ATXN3: variants seen among roughly 807,000 people sequenced by gnomAD.
ATXN3 encodes ataxin-3.
ATXN3 carries 28 observed loss-of-function variants against 58.2 expected under a neutral mutation model. The ratio of observed to expected loss-of-function variants is 0.48; its 90% CI spans 0.36 to 0.66. The LOEUF (loss-of-function observed/expected upper bound fraction) is 0.66. Ranked by LOEUF, ATXN3 falls within the 30% of genes least tolerant of loss-of-function variation. The pLI is 0.00. For missense variants in ATXN3, 321 were observed against 422.1 expected (o/e 0.76, Z 2.10); for synonymous variants, 113 against 138.5 (o/e 0.82, Z 1.29).
intron 9 of ATXN3, among the ~76,000 whole-genome samples, chr14:92,079,721 T>C (rs1464679146): frequency 6.6e-6 from 1 of 152,184 alleles, no homozygotes; most frequent in Non-Finnish European, 1.5e-5. Context: ...TATCTTGTAA[T>C]CTTTAACATG....
downstream of ATXN3, among the ~76,000 whole-genome samples, chr14:92,053,964 C>T (rs748350534): frequency 2.0e-5 from 3 of 151,944 alleles, no homozygotes; most frequent in Non-Finnish European, 4.4e-5. Flanking sequence ...GAGACGGAGT[C>T]TTGCTCTGTC....
rs533334971 is a variant in ATXN3, at chr14:92,083,379, A to G, written c.476-121T>C. ...GGAAAAAAATACAAGCTGAGGATTC[A>G]GAAAGACTTTAGTCCAAATAATGAT... is the stretch of plus-strand genomic sequence containing the variant. On this transcript the variant is annotated intron_variant, in intron 6 of 10. Coordinates refer to ENST00000644486, the MANE Select transcript of ATXN3 (RefSeq NM_004993.6). The G allele has an allele frequency of 1.4e-5, 14 of 994,002 alleles. No individual in the cohort carries two copies. In the South Asian group the frequency reaches 2.2e-4, roughly 16 times the overall value. The allele number at this position is 994,002 out of a possible 1,614,324, so 61.6% of individuals were successfully genotyped here.
downstream of ATXN3, among the ~76,000 whole-genome samples, chr14:92,053,598 G>C (rs1413546550): frequency 6.6e-6 from 1 of 151,240 alleles, no homozygotes; most frequent in Non-Finnish European, 1.5e-5. Flanking sequence ...CCAGGCTCAA[G>C]GTATCCTCTC....
In ATXN3 at chr14:92,106,544, G is replaced by A. The variant is rs998485826; in HGVS notation, c.9C>T (p.Ser3=). The change falls in exon 1 of 11, where the codon TCC becomes TCT. Residue 3 remains serine (S), a synonymous_variant. Coordinates refer to ENST00000644486, the MANE Select transcript of ATXN3 (RefSeq NM_004993.6). The stretch of plus-strand genomic sequence containing the variant: ...GGACACTCACTTTCTCGTGGAAGAT[G>A]GACTCCATGTTTATTTGTCTGGAGC... ME[S]IFHEKQEGSL... is the part of the protein sequence containing the mutation. The A allele has an allele frequency of 5.0e-6, 8 of 1,613,182 alleles. No individual in the cohort carries two copies. Among genetic ancestry groups the A allele is most frequent in the South Asian group, 1.1e-5 (1 of 91,058 alleles).
chr14:92,066,457 CT>C (rs1173797706), intron 10 of ATXN3, among the ~76,000 whole-genome samples: 30 of 137,492 alleles, frequency 2.2e-4, no homozygotes, highest in Non-Finnish European at 4.4e-4. Context: ...AAAATTACTT[CT>C]TTTATCATTT....
chr14:92,093,110 G>T, intron 5 of ATXN3, 142 bp downstream of exon 5: 1 of 431,670 alleles, frequency 2.3e-6, no homozygotes, highest in Non-Finnish European at 4.3e-6. Flanking sequence ...TGCCCAGGCT[G>T]GTCTCAAACT....
chr14:92,096,723 C>T lies in ATXN3; in HGVS notation c.140G>A (p.Arg47Lys). The T allele has an allele frequency of 8.1e-6, 13 of 1,613,836 alleles. No individual in the cohort carries two copies. Among genetic ancestry groups the T allele is most frequent in the Non-Finnish European group, 1.1e-5 (13 of 1,179,948 alleles). Residue 47 changes from arginine (R) to lysine (K), a missense_variant, in exon 2 of 11, where the codon AGA becomes AAA. This residue lies in a region of ATXN3 where 121 missense variants were observed against 198.9 expected (regional missense o/e 0.61). Coordinates refer to ENST00000644486, the MANE Select transcript of ATXN3 (RefSeq NM_004993.6). ...ACTAGTAACTCCTCCTTCTGCCATT[C>T]TCATCCTCTCCTCCTCATCCAGCTG... ...AHQLDEEERM[R>K]MAEGGVTSED...
chr14:92,094,525 C>A (rs868697689), intron 3 of ATXN3, among the ~76,000 whole-genome samples: 7 of 152,272 alleles, frequency 4.6e-5, no homozygotes, highest in Non-Finnish European at 7.3e-5. Context: ...ATCATATCTA[C>A]CAAAATAAGT....
At chr14:92,057,605 C>T (rs577848708), downstream of ATXN3, among the ~76,000 whole-genome samples, 5 of 152,146 alleles carry the variant, frequency 3.3e-5, no homozygotes, top group South Asian at 2.1e-4. Flanking sequence ...GGGTCTGGAT[C>T]GGGCCCCGGT....
intron 3 of ATXN3, among the ~76,000 whole-genome samples, chr14:92,094,998 C>T (rs1489343926): frequency 6.6e-6 from 1 of 151,610 alleles, no homozygotes; most frequent in African/African-American, 2.4e-5. Context: ...ACTCTGGATA[C>T]AACTCACAGT....
chr14:92,082,851 T>C (rs1466225021), intron 7 of ATXN3, among the ~76,000 whole-genome samples: 6 of 152,044 alleles, frequency 3.9e-5, no homozygotes, highest in Non-Finnish European at 8.8e-5. Context: ...GGTTTTGCCA[T>C]GTTGCCCAGG....
intron 9 of ATXN3, chr14:92,077,737 T>G (rs1320219200): frequency 2.0e-5 from 3 of 150,500 alleles, no homozygotes; most frequent in African/African-American, 7.3e-5. Flanking sequence ...CCTCCACCTC[T>G]GGGTTCAAAC....
rs1448226760 is a variant in ATXN3 at position 92,096,468 on chromosome 14, C to G, written c.189+206G>C. ...TGAAACCCCATCTCTAACAAAGATA[C>G]AAAAAATTAGCCGGGCATAGTGCCG... On this transcript the variant is annotated intron_variant, in intron 2 of 10. Coordinates refer to ENST00000644486, the MANE Select transcript of ATXN3 (RefSeq NM_004993.6). 3.1e-5 allele frequency: 24 copies of G among 775,772 alleles called. No homozygotes were observed. In the East Asian group the frequency reaches 6.3e-4, roughly 20 times the overall value. 48.1% of individuals were successfully genotyped at this position (775,772 alleles called of 1,614,324 possible).
In ATXN3 at chr14:92,081,110, T is replaced by G. The variant is rs779276322; in HGVS notation, c.776-49A>C. On this transcript the variant is annotated intron_variant, in intron 8 of 10. Coordinates refer to ENST00000644486, the MANE Select transcript of ATXN3 (RefSeq NM_004993.6). ...AAAAACCAATCACTGTATTTACCAA[T>G]TCAAGCAACAATATGTTTGTTTATA... 12 of 1,269,626 alleles carry G rather than the reference T, an allele frequency of 9.5e-6. No individual in the cohort carries two copies. In the East Asian group the frequency reaches 2.6e-4, roughly 27 times the overall value. The allele number at this position is 1,269,626 out of a possible 1,614,324, so 78.6% of individuals were successfully genotyped here. A position where few individuals can be genotyped will look rare whatever the true frequency, so the allele number is the denominator to read the frequency against.
At chr14:92,083,574 C>A in intron 6 of ATXN3, 1 of 442,332 alleles carries the variant, frequency 2.3e-6, no homozygotes, top group Non-Finnish European at 4.3e-6. Context: ...TACTCACTTA[C>A]TGTTGTCAGA....
intron 6 of ATXN3, among the ~76,000 whole-genome samples, chr14:92,087,492 GA>G (rs1247136500): frequency 6.6e-6 from 1 of 152,116 alleles, no homozygotes; most frequent in Non-Finnish European, 1.5e-5. Context: ...GATCATTTAA[GA>G]AAAAAGTAAA....
rs772352221 is a variant in ATXN3, at chr14:92,064,433, A to G, written c.992-19T>C. On this transcript the variant is annotated intron_variant, in intron 10 of 10. Coordinates refer to ENST00000644486, the MANE Select transcript of ATXN3 (RefSeq NM_004993.6). The stretch of plus-strand genomic sequence containing the variant: ...GCATCACCTGTTGGGAAACAAAACC[A>G]CATTTCTTTAAAATTTCCAGAAAAT... The G allele has an allele frequency of 3.9e-6, 6 of 1,554,140 alleles. No individual in the cohort carries two copies. The highest frequency in any genetic ancestry group is 5.3e-6 in the Non-Finnish European group (6 of 1,138,762).
intron 9 of ATXN3, among the ~76,000 whole-genome samples, chr14:92,079,175 G>A (rs1408098829): frequency 8.9e-6 from 1 of 112,738 alleles, no homozygotes; most frequent in African/African-American, 3.7e-5. Flanking sequence ...AACAGAGCAA[G>A]ACTCCATCTC....
In ATXN3 at chr14:92,060,505, C is replaced by T. The variant is rs554966272; in HGVS notation, c.*3815G>A. 1 of 148,898 alleles carries T rather than the reference C, an allele frequency of 6.7e-6. No homozygotes were observed. The highest frequency in any genetic ancestry group is 2.1e-4 in the South Asian group (1 of 4,682). The allele number at this position is 148,898 out of a possible 1,614,324, so 9.2% of individuals were successfully genotyped here. ...AACTCCTGGCCTGAAGTGATTCGCC[C>T]ACCTCAGCCTCCAGAACTGCTGGGA... On this transcript the variant is annotated 3_prime_UTR_variant, in exon 11 of 11. Transcript: ENST00000644486.
Sources: allele counts gnomAD v4.1 joint callset (sites outside exome capture counted in the v4.1 genomes callset), GRCh38; gene constraint gnomAD v4.1.1; regional missense constraint gnomAD v4.1.1; transcripts MANE v1.5; gene names NCBI Gene and HGNC (gene_info 2026-07-23, HGNC 2026-07-21).